SLC10A7: variants seen among roughly 807,000 people sequenced by gnomAD.
The protein encoded by SLC10A7 is sodium/bile acid cotransporter 7.
Under a neutral mutation model 43.2 loss-of-function variants are expected in SLC10A7, and 29 were observed. The observed-to-expected ratio is 0.67, with a 90% CI of 0.50 to 0.92. SLC10A7 has a LOEUF of 0.92. Among genes scored for constraint, SLC10A7 ranks in the 40% least tolerant of loss-of-function variants. SLC10A7 has a pLI of 0.00. For missense variants in SLC10A7, 295 were observed against 403.2 expected (o/e 0.73, Z 2.30); for synonymous variants, 152 against 144.8 (o/e 1.05, Z -0.35).
intron 6 of SLC10A7, among the ~76,000 whole-genome samples, chr4:146,309,523 C>T (rs927419023): frequency 1.1e-4 from 17 of 152,162 alleles, no homozygotes; most frequent in African/African-American, 4.1e-4. Flanking sequence ...AGTGATGCTG[C>T]TGCTGCTGAC....
chr4:146,390,162 C>A (rs559824065), intron 5 of SLC10A7, among the ~76,000 whole-genome samples: 3 of 152,122 alleles, frequency 2.0e-5, no homozygotes, highest in Admixed American at 1.3e-4. Context: ...AATCAGACAA[C>A]GAGCTCTTTA....
intron 5 of SLC10A7, among the ~76,000 whole-genome samples, chr4:146,379,079 A>G (rs1737416651): frequency 6.6e-6 from 1 of 152,236 alleles, no homozygotes; most frequent in South Asian, 2.1e-4. Context: ...CTCAATGTCC[A>G]CTTCCTGTGG....
chr4:146,403,298 T>C (rs1579096843), intron 5 of SLC10A7, among the ~76,000 whole-genome samples: 1 of 152,330 alleles, frequency 6.6e-6, no homozygotes, highest in Non-Finnish European at 1.5e-5. Context: ...CATTAATTTC[T>C]GGACTTGAGT....
At chr4:146,359,348 T>C (rs983050228) in intron 5 of SLC10A7, among the ~76,000 whole-genome samples, 1 of 152,312 alleles carries the variant, frequency 6.6e-6, no homozygotes, top group African/African-American at 2.4e-5. Context: ...TTTTATTCTC[T>C]TAATGGTGGC....
intron 5 of SLC10A7, among the ~76,000 whole-genome samples, chr4:146,383,357 A>G (rs2149793800): frequency 6.6e-6 from 1 of 152,260 alleles, no homozygotes; most frequent in Middle Eastern, 3.4e-3. Context: ...GCGGCTTTCT[A>G]AGGCCAAGTC....
intron 4 of SLC10A7, among the ~76,000 whole-genome samples, chr4:146,477,272 A>T (rs1734107023): frequency 6.6e-6 from 1 of 152,258 alleles, no homozygotes; most frequent in Non-Finnish European, 1.5e-5. Context: ...CATGCTCTTG[A>T]TAACAATGGT....
intron 4 of SLC10A7, among the ~76,000 whole-genome samples, chr4:146,458,919 G>A (rs1389854029): frequency 6.6e-6 from 1 of 151,712 alleles, no homozygotes; most frequent in Non-Finnish European, 1.5e-5. Flanking sequence ...CAAATAGATT[G>A]GAAAGGAATA....
intron 2 of SLC10A7, among the ~76,000 whole-genome samples, chr4:146,512,534 T>A (rs1408569895): frequency 6.6e-6 from 1 of 152,140 alleles, no homozygotes; most frequent in South Asian, 2.1e-4. Flanking sequence ...AATTGGAGTG[T>A]TATGAGCTAT....
intron 4 of SLC10A7, among the ~76,000 whole-genome samples, chr4:146,460,521 A>T (rs576109835): frequency 6.6e-6 from 1 of 152,104 alleles, no homozygotes; most frequent in East Asian, 1.9e-4. Flanking sequence ...ACTATGGATA[A>T]ATGGAACAAC....
intron 6 of SLC10A7, among the ~76,000 whole-genome samples, chr4:146,315,368 C>T (rs1732253921): frequency 6.6e-6 from 1 of 152,046 alleles, no homozygotes; most frequent in Non-Finnish European, 1.5e-5. Flanking sequence ...GGCTGCTAAA[C>T]ACAGTATTAG....
chr4:146,330,058 G>C (rs1448318598), intron 5 of SLC10A7, among the ~76,000 whole-genome samples: 1 of 152,148 alleles, frequency 6.6e-6, no homozygotes, highest in Non-Finnish European at 1.5e-5. Flanking sequence ...ACCTGAAGAA[G>C]TCAAGTCACA....
At chr4:146,318,293 A>C (rs1732463974) in intron 6 of SLC10A7, among the ~76,000 whole-genome samples, 1 of 152,036 alleles carries the variant, frequency 6.6e-6, no homozygotes, top group Non-Finnish European at 1.5e-5. Context: ...TTGAACTACA[A>C]AACTTTGATG....
intron 4 of SLC10A7, among the ~76,000 whole-genome samples, chr4:146,455,825 C>T (rs1385521569): frequency 6.6e-6 from 1 of 151,862 alleles, no homozygotes; most frequent in African/African-American, 2.4e-5. Flanking sequence ...TACTGTAAAT[C>T]ATATTTTAAA....
In SLC10A7 at chr4:146,517,150, A is replaced by G. The variant is rs202065800; in HGVS notation, c.101-30T>C. On this transcript the variant is annotated intron_variant, in intron 1 of 11. Transcript: ENST00000335472. Reference sequence around the variant, plus strand: ...AAAGAGAAAAAAGAGTTATTGCTAGAAAAGAATTTCAGTAGATAACTTGGC... The same window carrying G: ...AAAGAGAAAAAAGAGTTATTGCTAGGAAAGAATTTCAGTAGATAACTTGGC... 6.1e-5 allele frequency: 94 copies of G among 1,551,750 alleles called. No individual in the cohort carries two copies. In the East Asian group the frequency reaches 1.1e-3, roughly 18 times the overall value.
chr4:146,322,377 AC>A (rs1732777974), intron 6 of SLC10A7, among the ~76,000 whole-genome samples: 1 of 34,988 alleles, frequency 2.9e-5, no homozygotes, highest in African/African-American at 9.9e-5. Context: ...CCCCTCCCCC[AC>A]CCCATAACAG....
chr4:146,336,334 CT>C (rs1261399341), intron 5 of SLC10A7, among the ~76,000 whole-genome samples: 9 of 152,188 alleles, frequency 5.9e-5, no homozygotes, highest in Non-Finnish European at 1.3e-4. Context: ...AATAACTTGG[CT>C]TTGAGTGAAC....
Position 146,321,195 on chromosome 4 carries a change from T to C in SLC10A7, c.471+4766A>G, listed in dbSNP as rs80140190. 2.0e-3 allele frequency among the ~76,000 whole-genome samples: 307 copies of C among 152,256 alleles called. 1 individual carries two copies. The East Asian group carries it at 0.02, about 10-fold the overall frequency. ...ACAGAAATATATTGCCTCATGGTTC[T>C]AGAAGCTCTAAATCCGAAATCAAGC... On this transcript the variant is annotated intron_variant, in intron 6 of 11. Transcript: ENST00000335472.
Position 146,325,985 on chromosome 4 carries a change from T to C in SLC10A7, c.447A>G (p.Ile149Met), listed in dbSNP as rs754307986. Residue 149 changes from isoleucine to methionine, a missense_variant, in exon 6 of 12, where the codon ATA becomes ATG. Coordinates refer to ENST00000335472, the MANE Select transcript of SLC10A7 (RefSeq NM_001029998.6). The stretch of plus-strand genomic sequence containing the variant: ...CAAAAAGCAGCAGGAGCAGGGGTGT[T>C]ATAACGATGCCCTGAAAGAAATAAA... ...SAFGSFLGIV[I>M]TPLLLLLFLG... is the part of the protein sequence containing the mutation. 1.9e-6 allele frequency: 3 copies of C among 1,612,124 alleles called. No homozygotes were observed. Among genetic ancestry groups the C allele is most frequent in the Non-Finnish European group, 2.5e-6 (3 of 1,179,108 alleles).
intron 5 of SLC10A7, among the ~76,000 whole-genome samples, chr4:146,350,404 G>GAAA (rs1305730875): frequency 5.1e-5 from 2 of 38,942 alleles, no homozygotes. Flanking sequence ...CTCGCTGATT[G>GAAA]CTAGCACAGC....
Sources: gnomAD v4.1 joint callset for allele counts (sites outside exome capture counted in the v4.1 genomes callset) on GRCh38, gnomAD v4.1.1 for gene constraint, MANE v1.5 for transcripts, NCBI Gene and HGNC (gene_info 2026-07-23, HGNC 2026-07-21) for gene names.